The following CNTN5 variants were observed in gnomAD, a reference collection of about 807,000 sequenced individuals.
CNTN5 encodes the protein contactin-5.
CNTN5 carries 77 observed loss-of-function variants against 129.1 expected under a neutral mutation model. The ratio of observed to expected loss-of-function variants is 0.60; its 90% CI spans 0.50 to 0.72. The LOEUF is 0.72. Among genes scored for constraint, CNTN5 ranks in the 30% least tolerant of loss-of-function variants. CNTN5 has a pLI of 0.00. For synonymous variants in CNTN5, 509 were observed against 465.6 expected, an observed-to-expected ratio of 1.09 and a Z score of -1.20; for missense variants, 1,478 against 1,328.8, an observed-to-expected ratio of 1.11 and a Z score of -1.75.
chr11:100,310,225 T>G (rs546311592), intron 21 of CNTN5, among the ~76,000 whole-genome samples: 7 of 152,036 alleles, frequency 4.6e-5, no homozygotes, highest in Admixed American at 2.0e-4. Flanking sequence ...ACGTCTGGTG[T>G]GCATACCTTT....
intron 3 of CNTN5, among the ~76,000 whole-genome samples, chr11:99,809,649 A>G (rs1946372951): frequency 6.6e-6 from 1 of 152,154 alleles, no homozygotes; most frequent in Admixed American, 6.5e-5. Flanking sequence ...GAAACACTGA[A>G]CTTGATACTG....
intron 15 of CNTN5, among the ~76,000 whole-genome samples, chr11:100,213,145 T>C (rs567019023): frequency 1.3e-5 from 2 of 152,252 alleles, no homozygotes; most frequent in South Asian, 4.1e-4. Context: ...TAGATCAGCA[T>C]CCTTTATTTT....
intron 1 of CNTN5, among the ~76,000 whole-genome samples, chr11:99,112,380 A>T: frequency 6.6e-6 from 1 of 152,046 alleles, no homozygotes; most frequent in East Asian, 1.9e-4. Context: ...AAATCAGCTT[A>T]TTTGCCATAA....
chr11:100,043,917 G>A (rs544187907), intron 9 of CNTN5, among the ~76,000 whole-genome samples: 29 of 151,976 alleles, frequency 1.9e-4, no homozygotes, highest in African/African-American at 6.5e-4. Context: ...AAATTCAAGG[G>A]GTACAAGTGC....
intron 21 of CNTN5, among the ~76,000 whole-genome samples, chr11:100,327,897 C>A (rs1951823732): frequency 6.6e-6 from 1 of 151,876 alleles, no homozygotes; most frequent in Non-Finnish European, 1.5e-5. Context: ...CTCAAAGATG[C>A]AAAAATCAAA....
intron 16 of CNTN5, among the ~76,000 whole-genome samples, chr11:100,242,650 C>T (rs1949766189): frequency 6.6e-6 from 1 of 152,172 alleles, no homozygotes; most frequent in Non-Finnish European, 1.5e-5. Context: ...ACCACGACAG[C>T]ACCAAGGGGG....
At position 99,655,406 on chromosome 11, in the gene CNTN5, T is replaced by C. The variant is rs546794574; in HGVS notation, c.55+99137T>C. On this transcript the variant is annotated intron_variant, in intron 3 of 24. Coordinates refer to ENST00000524871, the MANE Select transcript of CNTN5 (RefSeq NM_014361.4). ...TGGCAAACGATTCTTGTCAACTGCA[T>C]GAGGACAATTCCAGTTCTATAGCTT... Among the ~76,000 whole-genome samples, 37 of 152,246 alleles carry C rather than the reference T, an allele frequency of 2.4e-4. 1 individual carries two copies. The South Asian group carries it at 7.7e-3, about 32-fold the overall frequency.
intron 3 of CNTN5, among the ~76,000 whole-genome samples, chr11:99,657,274 C>CA (rs145245013): frequency 0.012 from 1,785 of 152,074 alleles, 36 homozygotes; most frequent in African/African-American, 0.04. Flanking sequence ...ATCAACATCA[C>CA]AAAAAGCACA....
chr11:100,167,606 C>T (rs1264225592), intron 13 of CNTN5, among the ~76,000 whole-genome samples: 2 of 151,770 alleles, frequency 1.3e-5, no homozygotes, highest in Non-Finnish European at 2.9e-5. Flanking sequence ...AAATTAACTG[C>T]TTTTCTGAAG....
At chr11:99,489,485 C>T (rs536359183) in intron 2 of CNTN5, among the ~76,000 whole-genome samples, 2 of 152,256 alleles carry the variant, frequency 1.3e-5, no homozygotes, top group South Asian at 4.1e-4. Flanking sequence ...TATATTTTAA[C>T]TTCTCATTCT....
At chr11:99,926,435 C>A (rs972555377) in intron 7 of CNTN5, among the ~76,000 whole-genome samples, 7 of 152,058 alleles carry the variant, frequency 4.6e-5, no homozygotes, top group African/African-American at 7.2e-5. Flanking sequence ...AGAAATTGTT[C>A]CTTTAAAGCT....
At chr11:100,233,063 T>G (rs1040002588) in intron 16 of CNTN5, among the ~76,000 whole-genome samples, 2 of 152,150 alleles carry the variant, frequency 1.3e-5, no homozygotes, top group African/African-American at 4.8e-5. Flanking sequence ...AATGTTTGAA[T>G]GTCACTAACA....
At chr11:99,993,866 T>C (rs12802099) in intron 8 of CNTN5, among the ~76,000 whole-genome samples, 2,578 of 152,298 alleles carry the variant, frequency 0.017, 40 homozygotes, top group Non-Finnish European at 0.026. Flanking sequence ...CTTTCTAATA[T>C]GTCCTTATAT....
chr11:99,638,115 G>A (rs669186), intron 3 of CNTN5, among the ~76,000 whole-genome samples: 91,379 of 151,912 alleles, frequency 0.6, 28,316 homozygotes, highest in Admixed American at 0.69. Context: ...ACAGTTCCAC[G>A]TACCTTGTGA....
intron 6 of CNTN5, among the ~76,000 whole-genome samples, chr11:99,851,660 G>C (rs1404365647): frequency 6.6e-6 from 1 of 152,200 alleles, no homozygotes; most frequent in Non-Finnish European, 1.5e-5. Flanking sequence ...TAAATTGATA[G>C]TTCCTATCTA....
intron 1 of CNTN5, among the ~76,000 whole-genome samples, chr11:99,263,455 T>A (rs1862738938): frequency 6.6e-6 from 1 of 152,134 alleles, no homozygotes; most frequent in African/African-American, 2.4e-5. Context: ...AACCTCAATA[T>A]CTTATGAAAA....
chr11:99,384,316 A>G (rs138373338), intron 2 of CNTN5, among the ~76,000 whole-genome samples: 252 of 152,302 alleles, frequency 1.7e-3, no homozygotes, highest in Non-Finnish European at 3.1e-3. Flanking sequence ...CTTTTAAACA[A>G]TTTGGGCAAA....
chr11:99,070,279 C>G (rs1328502805), intron 1 of CNTN5, among the ~76,000 whole-genome samples: 1 of 152,152 alleles, frequency 6.6e-6, no homozygotes, highest in Non-Finnish European at 1.5e-5. Flanking sequence ...CCTTTCTTCC[C>G]TCAAGGAGAT....
intron 2 of CNTN5, among the ~76,000 whole-genome samples, chr11:99,341,203 T>C (rs1339130678): frequency 6.6e-6 from 1 of 152,150 alleles, no homozygotes. Flanking sequence ...CATAGCAAAC[T>C]GAAATAATTT....
Sources: allele counts gnomAD v4.1 joint callset (sites outside exome capture counted in the v4.1 genomes callset), GRCh38; gene constraint gnomAD v4.1.1; transcripts MANE v1.5; gene names NCBI Gene and HGNC (gene_info 2026-07-23, HGNC 2026-07-21).